ZNF415: variants seen among roughly 807,000 people sequenced by gnomAD.
ZNF415 encodes the protein zinc finger protein 415.
A neutral mutation model predicts 7.3 loss-of-function variants in ZNF415; 5 were observed. That is an observed-to-expected ratio of 0.69 (90% confidence interval 0.36 to 1.44). ZNF415 has a LOEUF of 1.44. Among genes scored for constraint, ZNF415 ranks in the 40% most tolerant of loss-of-function variants. The probability of loss-of-function intolerance (pLI) is 0.04; values close to 1 mark genes in which losing one functional copy is unlikely to be tolerated. For synonymous variants in ZNF415, 207 were observed against 226.3 expected, an observed-to-expected ratio of 0.91 and a Z score of 0.77; for missense variants, 628 against 664.8, an observed-to-expected ratio of 0.94 and a Z score of 0.61.
intron 1 of ZNF415, among the ~76,000 whole-genome samples, chr19:53,129,905 A>T (rs1037818847): frequency 6.6e-6 from 1 of 152,054 alleles, no homozygotes; most frequent in Non-Finnish European, 1.5e-5. Flanking sequence ...CTCTATCAAA[A>T]AACACAAAAG....
chr19:53,132,358 T>C (rs766913535), intron 1 of ZNF415, among the ~76,000 whole-genome samples: 20 of 152,162 alleles, frequency 1.3e-4, no homozygotes, highest in South Asian at 2.1e-4. Flanking sequence ...GGACAGGCCC[T>C]GAGCACCTCC....
chr19:53,131,781 G>C (rs1008651872), intron 1 of ZNF415, among the ~76,000 whole-genome samples: 8 of 151,584 alleles, frequency 5.3e-5, no homozygotes, highest in African/African-American at 1.9e-4. Context: ...CATATTTCTG[G>C]CTCTTTCTTC....
chr19:53,122,530 G>T, intron 2 of ZNF415, 132 bp downstream of exon 2: 4 of 1,597,780 alleles, frequency 2.5e-6, no homozygotes, highest in Non-Finnish European at 3.4e-6. Context: ...CTGAGGGAAG[G>T]CACGGGTCAA....
Position 53,108,605 on chromosome 19 carries a change from A to G in ZNF415, c.1440T>C (p.His480=). 1 of 1,614,136 alleles carries G rather than the reference A, an allele frequency of 6.2e-7. No individual in the cohort carries two copies. Among genetic ancestry groups the G allele is most frequent in the South Asian group, 1.1e-5 (1 of 91,078 alleles). Residue 480 remains histidine, a synonymous_variant, in exon 4 of 4, where the codon CAT becomes CAC. Transcript: ENST00000243643. ...TGACCTGATGGGTAGTTAGGCTTGAATGCACACTGAAGCCTTTGCCACATT... is the reference window on the plus strand; with the variant it reads ...TGACCTGATGGGTAGTTAGGCTTGAGTGCACACTGAAGCCTTTGCCACATT... The part of the protein sequence containing the change: ...CNQCGKGFSV[H]SSLTTHQVIH...
chr19:53,110,183 GA>G (rs1158751325), intron 3 of ZNF415, among the ~76,000 whole-genome samples: 2 of 152,196 alleles, frequency 1.3e-5, no homozygotes, highest in Admixed American at 1.3e-4. Context: ...GCCCTGAAAG[GA>G]GTATTTTTTC....
intron 1 of ZNF415, among the ~76,000 whole-genome samples, chr19:53,126,627 A>G (rs78843814): frequency 0.17 from 18,708 of 111,910 alleles, 761 homozygotes; most frequent in East Asian, 0.29. Context: ...TCACCCGCCT[A>G]GGGAAGCATT....
intron 3 of ZNF415, chr19:53,115,769 A>G: frequency 6.5e-6 from 10 of 1,550,336 alleles, no homozygotes; most frequent in Non-Finnish European, 5.2e-6. Context: ...TTGGCTTTCT[A>G]TGGTCCAGGG....
chr19:53,132,791 T>G (rs1013139805), intron 1 of ZNF415, 65 bp downstream of exon 1: 19 of 152,584 alleles, frequency 1.2e-4, no homozygotes, highest in African/African-American at 4.3e-4. Flanking sequence ...GTATCGACCC[T>G]GGACATCGGC....
At chr19:53,112,223 C>T (rs913970434) in intron 3 of ZNF415, among the ~76,000 whole-genome samples, 2 of 152,190 alleles carry the variant, frequency 1.3e-5, no homozygotes, top group African/African-American at 4.8e-5. Flanking sequence ...GGATTACAGG[C>T]GTGAGCAACC....
intron 2 of ZNF415, chr19:53,122,380 G>A: frequency 7.2e-6 from 11 of 1,535,334 alleles, no homozygotes; most frequent in Non-Finnish European, 9.6e-6. Context: ...CTGCCCAACA[G>A]CACTGACACC....
chr19:53,108,130 T>C lies in ZNF415; in HGVS notation c.*247A>G, dbSNP rs994409795. The C allele has an allele frequency of 4.2e-6, 2 of 478,772 alleles. No individual in the cohort carries two copies. The highest frequency in any genetic ancestry group is 7.3e-6 in the Non-Finnish European group (2 of 274,770). 29.7% of individuals were successfully genotyped at this position (478,772 alleles called of 1,614,324 possible). ...AGTTGTGAGACCTAAATGAAGCCTC[T>C]GCCACACAGTTAGGTGTATATGATT... On this transcript the variant is annotated 3_prime_UTR_variant, in exon 4 of 4. Coordinates refer to ENST00000243643, the MANE Select transcript of ZNF415 (RefSeq NM_018355.4).
chr19:53,116,484 ACCAT>A, intron 2 of ZNF415, 51 bp from the exon 3 acceptor site: 1 of 1,609,256 alleles, frequency 6.2e-7, no homozygotes, highest in Non-Finnish European at 8.5e-7. Flanking sequence ...GAAGGGAGTT[ACCAT>A]CTTCACACAA....
intron 1 of ZNF415, among the ~76,000 whole-genome samples, chr19:53,129,074 A>C (rs1452554184): frequency 1.4e-4 from 22 of 152,166 alleles, no homozygotes. Flanking sequence ...GACATCTCTC[A>C]GTCTAGACCC....
chr19:53,124,868 C>A (rs942081659), intron 1 of ZNF415, among the ~76,000 whole-genome samples: 5 of 151,462 alleles, frequency 3.3e-5, no homozygotes, highest in African/African-American at 1.2e-4. Flanking sequence ...GGAAGAGGTG[C>A]GGGGCAGGAA....
intron 3 of ZNF415, chr19:53,116,024 G>A (rs1473209745): frequency 6.5e-6 from 4 of 614,360 alleles, no homozygotes; most frequent in South Asian, 2.1e-5. Context: ...AAGAACTACT[G>A]AATCAAAGCA....
Position 53,122,732 on chromosome 19 carries a change from TG to T in ZNF415, c.-57del, listed in dbSNP as rs763976705. ...TTCTTCCTCATGTGCCAGGAGTCTTTGGAAGTCAATGCTGAATAACAACAAC... is the reference window on the plus strand; with the variant it reads ...TTCTTCCTCATGTGCCAGGAGTCTTTGAAGTCAATGCTGAATAACAACAAC... On this transcript the variant is annotated 5_prime_UTR_variant, in exon 2 of 4. Coordinates refer to ENST00000243643, the MANE Select transcript of ZNF415 (RefSeq NM_018355.4). 319 of 1,612,118 alleles carry T rather than the reference TG, an allele frequency of 2.0e-4. No individual in the cohort carries two copies. The highest frequency in any genetic ancestry group is 2.6e-4 in the Non-Finnish European group (307 of 1,178,616).
chr19:53,108,546 T>C lies in ZNF415; in HGVS notation c.1499A>G (p.Glu500Gly). ...GCGCACACTAAAGGATTTGCCACAC[T>C]CATTACATTTGTAAGGTTTTTCTCC... is the stretch of plus-strand genomic sequence containing the variant. ...HTGEKPYKCN[E>G]CGKSFSVRPN... is the part of the protein sequence containing the mutation. The change falls in exon 4 of 4, where the codon GAG (glutamate) becomes GGG (glycine). Residue 500 changes from glutamate (E) to glycine (G), a missense_variant. By Grantham distance (98) the Glu-to-Gly change is moderately conservative. Coordinates refer to ENST00000243643, the MANE Select transcript of ZNF415 (RefSeq NM_018355.4). The C allele has an allele frequency of 6.2e-7, 1 of 1,614,144 alleles. No homozygotes were observed. Among genetic ancestry groups the C allele is most frequent in the Non-Finnish European group, 8.5e-7 (1 of 1,179,964 alleles).
intron 2 of ZNF415, among the ~76,000 whole-genome samples, chr19:53,118,701 T>A (rs1373212963): frequency 6.6e-6 from 1 of 151,314 alleles, no homozygotes; most frequent in African/African-American, 2.4e-5. Flanking sequence ...GACCACTGGG[T>A]CTAGGAAGAA....
At chr19:53,110,805 G>T (rs1296950537) in intron 3 of ZNF415, among the ~76,000 whole-genome samples, 1 of 152,134 alleles carries the variant, frequency 6.6e-6, no homozygotes, top group Non-Finnish European at 1.5e-5. Context: ...TTATAAAGAA[G>T]AATTGAAGAA....
Sources: gnomAD v4.1 joint callset for allele counts (sites outside exome capture counted in the v4.1 genomes callset) on GRCh38, gnomAD v4.1.1 for gene constraint, MANE v1.5 for transcripts, NCBI Gene and HGNC (gene_info 2026-07-23, HGNC 2026-07-21) for gene names.